Variants in WDR7 observed in about 807,000 individuals in gnomAD.
WDR7 encodes the protein WD repeat domain 7.
Under a neutral mutation model 169.4 loss-of-function variants are expected in WDR7, and 46 were observed. The observed-to-expected ratio is 0.27, with a 90% CI of 0.21 to 0.35. The LOEUF (loss-of-function observed/expected upper bound fraction) is 0.35, where lower values mean the gene tolerates loss of function less well. WDR7 is among the 10% of genes least tolerant of loss of function. The pLI, the probability that WDR7 is intolerant of heterozygous loss-of-function variation, is 1.00. For synonymous variants in WDR7, 612 were observed against 666.8 expected (o/e 0.92, Z 1.27); for missense variants, 1,534 against 1,859.3 (o/e 0.83, Z 3.22).
chr18:56,927,862 A>G (rs1275812701), intron 22 of WDR7, among the ~76,000 whole-genome samples: 1 of 152,200 alleles, frequency 6.6e-6, no homozygotes, highest in East Asian at 1.9e-4. Context: ...GCAGTCTTAC[A>G]GGAAAGACAA....
intron 20 of WDR7, among the ~76,000 whole-genome samples, chr18:56,857,409 C>CT (rs1398274531): frequency 9.2e-5 from 14 of 152,014 alleles, no homozygotes. Flanking sequence ...TAGGTGTGCA[C>CT]TACCACACCC....
chr18:56,764,114 A>G (rs1411678066), intron 16 of WDR7, among the ~76,000 whole-genome samples: 2 of 151,996 alleles, frequency 1.3e-5, no homozygotes, highest in African/African-American at 4.8e-5. Context: ...TTCTTAAGGT[A>G]AAAGCTGAGA....
chr18:56,654,631 T>C (rs2024728497), intron 1 of WDR7, among the ~76,000 whole-genome samples: 1 of 152,122 alleles, frequency 6.6e-6, no homozygotes, highest in African/African-American at 2.4e-5. Flanking sequence ...TCTGTAATCT[T>C]TCTCATGATG....
chr18:57,021,661 T>C, intron 27 of WDR7, among the ~76,000 whole-genome samples: 1 of 152,228 alleles, frequency 6.6e-6, no homozygotes. Context: ...CTGCTTAATT[T>C]CTATCCCATC....
chr18:56,830,583 C>T (rs551468380), intron 20 of WDR7, among the ~76,000 whole-genome samples: 17 of 152,332 alleles, frequency 1.1e-4, no homozygotes, highest in East Asian at 7.7e-4. Context: ...CACCTCTGGG[C>T]GCTGCACTAT....
chr18:56,851,172 A>G (rs1043310251), intron 20 of WDR7, among the ~76,000 whole-genome samples: 3 of 152,168 alleles, frequency 2.0e-5, no homozygotes, highest in Non-Finnish European at 4.4e-5. Context: ...ATGCCTTTGT[A>G]GTAAAATTAA....
chr18:56,804,888 T>C (rs2044743004), intron 19 of WDR7, among the ~76,000 whole-genome samples: 1 of 152,194 alleles, frequency 6.6e-6, no homozygotes, highest in African/African-American at 2.4e-5. Flanking sequence ...ACAAAGTCAA[T>C]GTTGTGATAA....
chr18:56,788,626 G>GT (rs1466723581), intron 19 of WDR7, among the ~76,000 whole-genome samples: 3 of 151,950 alleles, frequency 2.0e-5, no homozygotes, highest in East Asian at 1.9e-4. Flanking sequence ...CTCCTTTGTG[G>GT]TATTCTGGAT....
chr18:56,993,514 C>G (rs1427777692), intron 26 of WDR7, among the ~76,000 whole-genome samples: 2 of 151,758 alleles, frequency 1.3e-5, no homozygotes, highest in East Asian at 3.9e-4. Flanking sequence ...AGTGTGACGT[C>G]GTGTCTAGGG....
intron 27 of WDR7, 86 bp from the exon 28 acceptor site, chr18:57,026,918 G>T: frequency 7.4e-7 from 1 of 1,355,462 alleles, no homozygotes; most frequent in Non-Finnish European, 1.0e-6. Flanking sequence ...GGAGGGGAAA[G>T]TAGCCAGGAG....
In WDR7 at chr18:56,672,618, G is replaced by GT. The variant is rs781406491; in HGVS notation, c.104dup (p.Thr36AsnfsTer20). Reference sequence around the variant, plus strand: ...TTTAACAGATGATGGGGCCACGATCGTAACAGGATGTCACGACGGACAAAT... The same window carrying GT: ...TTTAACAGATGATGGGGCCACGATCGTTAACAGGATGTCACGACGGACAAAT... On this transcript the variant is annotated frameshift_variant, in exon 2 of 28. Coordinates refer to ENST00000254442, the MANE Select transcript of WDR7 (RefSeq NM_015285.3). LOFTEE classifies it high-confidence loss of function. 1 of 1,612,986 alleles carries GT rather than the reference G, an allele frequency of 6.2e-7. No homozygotes were observed. The highest frequency in any genetic ancestry group is 1.7e-5 in the Admixed American group (1 of 59,882).
chr18:56,823,536 A>T (rs1472849917), intron 20 of WDR7, among the ~76,000 whole-genome samples: 1 of 152,172 alleles, frequency 6.6e-6, no homozygotes, highest in Non-Finnish European at 1.5e-5. Context: ...CAGTGAGCTG[A>T]GATCACATCC....
intron 20 of WDR7, among the ~76,000 whole-genome samples, chr18:56,845,170 A>G (rs141183150): frequency 2.0e-5 from 3 of 152,008 alleles, no homozygotes; most frequent in Non-Finnish European, 4.4e-5. Context: ...GATATGTCCC[A>G]CTCTATGCAG....
chr18:56,930,969 G>A (rs559882032), intron 22 of WDR7, among the ~76,000 whole-genome samples: 18 of 152,194 alleles, frequency 1.2e-4, no homozygotes, highest in Admixed American at 3.3e-4. Context: ...GTGAGCTTTA[G>A]AACAGGATTA....
chr18:56,908,194 T>C (rs1303407230), intron 21 of WDR7, among the ~76,000 whole-genome samples: 9 of 152,120 alleles, frequency 5.9e-5, no homozygotes. Context: ...GGAAGAAAAA[T>C]AGCATTGCTA....
chr18:56,860,838 CTT>C (rs541449673), intron 20 of WDR7, among the ~76,000 whole-genome samples: 1 of 149,578 alleles, frequency 6.7e-6, no homozygotes, highest in Admixed American at 6.7e-5. Context: ...TTTTCTGCCT[CTT>C]TTTTTTTCAT....
At position 56,962,412 on chromosome 18, in the gene WDR7, T is replaced by G; in HGVS notation, c.4065-18T>G. The stretch of plus-strand genomic sequence containing the variant: ...TGGCTTCTTGTTTTTGTTTTTGTTG[T>G]TAAAATGTTCAACTCAGGTTCTACA... On this transcript the variant is annotated intron_variant, in intron 25 of 27. Transcript: ENST00000254442. 6.2e-7 allele frequency: 1 copy of G among 1,611,582 alleles called. No individual in the cohort carries two copies.
intron 1 of WDR7, among the ~76,000 whole-genome samples, chr18:56,666,312 T>C (rs780013620): frequency 2.1e-5 from 3 of 145,128 alleles, no homozygotes; most frequent in Non-Finnish European, 4.5e-5. Context: ...CAAGCGATTC[T>C]CCTGCCTTAG....
chr18:56,656,312 C>T (rs146305073), intron 1 of WDR7, among the ~76,000 whole-genome samples: 3,561 of 144,902 alleles, frequency 0.025, 139 homozygotes, highest in African/African-American at 0.087. Context: ...TGGAGTCTTG[C>T]TCTGTCACCC....
Sources: allele counts gnomAD v4.1 joint callset (sites outside exome capture counted in the v4.1 genomes callset), GRCh38; gene constraint gnomAD v4.1.1; transcripts MANE v1.5; gene names NCBI Gene and HGNC (gene_info 2026-07-23, HGNC 2026-07-21).